The following TBC1D7 variants were observed in gnomAD, a reference collection of about 807,000 sequenced individuals.
TBC1D7 encodes TBC domain family 7.
A neutral mutation model predicts 35.3 loss-of-function variants in TBC1D7; 33 were observed. That is an observed-to-expected ratio of 0.93 (90% CI 0.71 to 1.25). The LOEUF is 1.25. Ranked by LOEUF, TBC1D7 falls within the 50% of genes most tolerant of loss-of-function variation. The probability of loss-of-function intolerance (pLI) is 0.00; values close to 1 mark genes in which losing one functional copy is unlikely to be tolerated. For missense variants in TBC1D7, 362 were observed against 365.3 expected, an observed-to-expected ratio of 0.99 and a Z score of 0.07; for synonymous variants, 135 against 129.5, an observed-to-expected ratio of 1.04 and a Z score of -0.29.
chr6:13,307,578 T>G (rs371031464), intron 6 of TBC1D7, 22 bp downstream of exon 6: 4 of 1,612,964 alleles, frequency 2.5e-6, no homozygotes, highest in Non-Finnish European at 1.7e-6. Context: ...GCCTTCAATA[T>G]GTCTTCGAAA....
chr6:13,307,344 G>C (rs1046527969), intron 6 of TBC1D7: 2 of 333,610 alleles, frequency 6.0e-6, no homozygotes, highest in Non-Finnish European at 1.1e-5. Flanking sequence ...AGGGGCTGAC[G>C]CTTATATAAA....
chr6:13,320,770 G>C, intron 4 of TBC1D7, 138 bp downstream of exon 4: 1 of 842,140 alleles, frequency 1.2e-6, no homozygotes, highest in Non-Finnish European at 2.0e-6. Context: ...TGAATGCCAA[G>C]TAAAGATGTG....
intron 4 of TBC1D7, among the ~76,000 whole-genome samples, chr6:13,318,510 T>G (rs1783798733): frequency 6.6e-6 from 1 of 152,220 alleles, no homozygotes; most frequent in African/African-American, 2.4e-5. Flanking sequence ...ATAAGTGAAA[T>G]TTAAAGATGA....
At chr6:13,315,780 T>C (rs1020822616) in intron 5 of TBC1D7, among the ~76,000 whole-genome samples, 3 of 152,236 alleles carry the variant, frequency 2.0e-5, no homozygotes, top group South Asian at 2.1e-4. Flanking sequence ...ATCTATGTTA[T>C]CAGTAAGGCT....
At position 13,325,297 on chromosome 6, in the gene TBC1D7, T is replaced by C. The variant is rs1784331827; in HGVS notation, c.113-123A>G. On this transcript the variant is annotated intron_variant, in intron 2 of 7. Transcript: ENST00000379300. The stretch of plus-strand genomic sequence containing the variant: ...ATTTCTTCAGGGGAAGTCTACCATA[T>C]GGTCAGTAAGTTTAGGAGAGGCAAT... The C allele has an allele frequency of 2.7e-5, 18 of 669,610 alleles. No homozygotes were observed. The South Asian group carries it at 3.0e-4, about 11-fold the overall frequency. The allele number at this position is 669,610 out of a possible 1,614,324, so 41.5% of individuals were successfully genotyped here. A position where few individuals can be genotyped will look rare whatever the true frequency, so the allele number is the denominator to read the frequency against.
At chr6:13,317,625 T>C (rs532787039) in intron 4 of TBC1D7, among the ~76,000 whole-genome samples, 10 of 152,352 alleles carry the variant, frequency 6.6e-5, no homozygotes, top group East Asian at 1.9e-4. Context: ...ATTTTATTAA[T>C]GTGTCAAAGG....
intron 2 of TBC1D7, 43 bp downstream of exon 2, chr6:13,326,744 G>A: frequency 1.6e-6 from 2 of 1,247,736 alleles, no homozygotes; most frequent in Non-Finnish European, 2.3e-6. Flanking sequence ...AGAACATGTG[G>A]AGTGATTGAG....
At chr6:13,308,090 G>A (rs780283813) in intron 5 of TBC1D7, among the ~76,000 whole-genome samples, 1 of 152,226 alleles carries the variant, frequency 6.6e-6, no homozygotes, top group Non-Finnish European at 1.5e-5. Flanking sequence ...CAGTTGTTCT[G>A]AGGAGCTAAG....
At position 13,326,866 on chromosome 6, in the gene TBC1D7, T is replaced by C. The variant is rs779252882; in HGVS notation, c.33A>G (p.Ser11=). MTEDSQRNFR[S]VYYEKVGFRG... ...GAAACCCCACTTTCTCATAATATAC[T>C]GAACGAAAGTTTCTCTGAGAGTCCT... is the stretch of plus-strand genomic sequence containing the variant. The change falls in exon 2 of 8, where the codon TCA becomes TCG. Residue 11 remains serine (S), a synonymous_variant. Coordinates refer to ENST00000379300, the MANE Select transcript of TBC1D7 (RefSeq NM_016495.6). The C allele has an allele frequency of 1.9e-6, 3 of 1,611,490 alleles. No homozygotes were observed. The highest frequency in any genetic ancestry group is 2.5e-6 in the Non-Finnish European group (3 of 1,179,040).
rs145691490 is a variant in TBC1D7 at position 13,316,637 on chromosome 6, A to G, written c.453T>C (p.Cys151=). Residue 151 remains cysteine, a synonymous_variant, in exon 5 of 8, where the codon TGT becomes TGC. Transcript: ENST00000379300. ...TCACAAAGCGTCGGGTGATCCAGTA[A>G]CAGTCGACACTATCTTCCACCATTT... The part of the protein sequence containing the change: ...MEEMVEDSVD[C]YWITRRFVNQ... 47 of 1,614,042 alleles carry G rather than the reference A, an allele frequency of 2.9e-5. No individual in the cohort carries two copies. Among genetic ancestry groups the G allele is most frequent in the Non-Finnish European group, 3.9e-5 (46 of 1,180,000 alleles).
chr6:13,308,444 T>A (rs1782962479), intron 5 of TBC1D7, among the ~76,000 whole-genome samples: 1 of 122,382 alleles, frequency 8.2e-6, no homozygotes, highest in Admixed American at 9.2e-5. Context: ...TTCCACTTGG[T>A]AGCCTCTCTC....
At chr6:13,323,332 C>G (rs929779697) in intron 3 of TBC1D7, among the ~76,000 whole-genome samples, 1 of 151,534 alleles carries the variant, frequency 6.6e-6, no homozygotes, top group African/African-American at 2.4e-5. Flanking sequence ...GCCTGGGTGA[C>G]AGAGCAAAAC....
intron 3 of TBC1D7, chr6:13,323,613 G>C (rs550581205): frequency 6.6e-6 from 1 of 152,288 alleles, no homozygotes; most frequent in South Asian, 2.1e-4. Context: ...AGTTGTCACC[G>C]CTTCTCCAGA....
chr6:13,310,624 C>A (rs904840617), intron 5 of TBC1D7, among the ~76,000 whole-genome samples: 54 of 95,672 alleles, frequency 5.6e-4, no homozygotes, highest in African/African-American at 2.1e-3. Context: ...GGTGACAGAG[C>A]GAGACTCCGT....
chr6:13,314,729 A>G (rs1783480881), intron 5 of TBC1D7, among the ~76,000 whole-genome samples: 1 of 152,206 alleles, frequency 6.6e-6, no homozygotes, highest in Non-Finnish European at 1.5e-5. Flanking sequence ...TTAACAATTA[A>G]CTGCAGTGAT....
intron 3 of TBC1D7, among the ~76,000 whole-genome samples, chr6:13,322,458 A>G (rs1175274580): frequency 6.6e-6 from 1 of 152,136 alleles, no homozygotes; most frequent in East Asian, 1.9e-4. Context: ...AAAAATGGGA[A>G]TAACAATATC....
At position 13,305,061 on chromosome 6, in the gene TBC1D7, C is replaced by T. The variant is rs893778270; in HGVS notation, c.*40G>A. The T allele has an allele frequency of 1.3e-6, 2 of 1,495,414 alleles. No individual in the cohort carries two copies. The highest frequency in any genetic ancestry group is 1.8e-6 in the Non-Finnish European group (2 of 1,092,508). The allele number at this position is 1,495,414 out of a possible 1,614,324, so 92.6% of individuals were successfully genotyped here. A position where few individuals can be genotyped will look rare whatever the true frequency, so the allele number is the denominator to read the frequency against. ...TCACATGCCAAGAACACAATGCTCA[C>T]TGTGGTGCCTGGCAGACGGTCCACA... On this transcript the variant is annotated 3_prime_UTR_variant, in exon 8 of 8. Transcript: ENST00000379300.
intron 1 of TBC1D7, among the ~76,000 whole-genome samples, chr6:13,327,306 C>T (rs1233642746): frequency 1.3e-5 from 2 of 152,180 alleles, no homozygotes. Context: ...ACAGTATACA[C>T]TATGATTTCA....
intron 6 of TBC1D7, 75 bp from the exon 7 acceptor site, chr6:13,306,602 A>T (rs764315159): frequency 1.6e-5 from 19 of 1,166,372 alleles, no homozygotes; most frequent in Non-Finnish European, 2.1e-5. Flanking sequence ...TCAAATTACA[A>T]AATAAAATCA....
Sources: allele counts gnomAD v4.1 joint callset (sites outside exome capture counted in the v4.1 genomes callset), GRCh38; gene constraint gnomAD v4.1.1; transcripts MANE v1.5; gene names NCBI Gene and HGNC (gene_info 2026-07-23, HGNC 2026-07-21).